The following STAC variants were observed in gnomAD, a reference collection of about 807,000 sequenced individuals.
STAC encodes the protein SH3 and cysteine-rich domain-containing protein.
In STAC, 43 loss-of-function variants were observed where a neutral mutation model predicts 48.8. The ratio of observed to expected loss-of-function variants is 0.88; its 90% CI spans 0.69 to 1.14. The LOEUF (loss-of-function observed/expected upper bound fraction) is 1.14. Ranked by LOEUF, STAC falls within the 50% of genes most tolerant of loss-of-function variation. The pLI is 0.00. For missense variants in STAC, 497 were observed against 504.0 expected (o/e 0.99, Z 0.13); for synonymous variants, 193 against 179.5 (o/e 1.07, Z -0.60).
intron 8 of STAC, among the ~76,000 whole-genome samples, chr3:36,519,399 T>C (rs184336648): frequency 1.6e-3 from 250 of 152,296 alleles, no homozygotes; most frequent in African/African-American, 5.7e-3. Flanking sequence ...CCCAATAATT[T>C]ACAGGTAGAA....
intron 2 of STAC, among the ~76,000 whole-genome samples, chr3:36,479,751 T>G (rs775562234): frequency 2.0e-5 from 3 of 152,226 alleles, no homozygotes; most frequent in Non-Finnish European, 2.9e-5. Flanking sequence ...TAAAACTATG[T>G]TTTTTCCTAC....
At chr3:36,450,497 G>A (rs1186175325) in intron 2 of STAC, among the ~76,000 whole-genome samples, 4 of 152,128 alleles carry the variant, frequency 2.6e-5, no homozygotes, top group Non-Finnish European at 5.9e-5. Context: ...TCATAATAAG[G>A]ATATCTTCAC....
At chr3:36,399,935 GT>G (rs1293575633) in intron 1 of STAC, among the ~76,000 whole-genome samples, 1 of 152,206 alleles carries the variant, frequency 6.6e-6, no homozygotes, top group Non-Finnish European at 1.5e-5. Context: ...AGGCACTCAT[GT>G]GCAAGTGCTT....
rs10528748 is a variant in STAC at position 36,442,739 on chromosome 3, T to TAC, written c.112-563_112-562dup. Among the ~76,000 whole-genome samples, 895 of 133,374 alleles carry TAC rather than the reference T, an allele frequency of 6.7e-3. 6 individuals are homozygous for TAC. The highest frequency in any genetic ancestry group is 0.036 in the East Asian group (126 of 3,486). 87.5% of individuals were successfully genotyped at this position (133,374 alleles called of 152,430 possible). ...GGATAATACAATATGTCCTATGTCC[T>TAC]ACACACACACACACACACACACACA... On this transcript the variant is annotated intron_variant, in intron 1 of 10. Coordinates refer to ENST00000273183, the MANE Select transcript of STAC (RefSeq NM_003149.3).
At chr3:36,397,171 T>A (rs1699872475) in intron 1 of STAC, among the ~76,000 whole-genome samples, 1 of 152,198 alleles carries the variant, frequency 6.6e-6, no homozygotes, top group Non-Finnish European at 1.5e-5. Flanking sequence ...ATTTTCTGAT[T>A]CTTGGTTATG....
intron 1 of STAC, among the ~76,000 whole-genome samples, chr3:36,389,046 T>C (rs1304594822): frequency 2.0e-5 from 3 of 152,220 alleles, no homozygotes; most frequent in Non-Finnish European, 4.4e-5. Context: ...CAGTGAAATC[T>C]TTACAATTAT....
intron 1 of STAC, among the ~76,000 whole-genome samples, chr3:36,412,280 A>G (rs1056576425): frequency 6.6e-6 from 1 of 152,176 alleles, no homozygotes; most frequent in Non-Finnish European, 1.5e-5. Context: ...GGAAAGAAAG[A>G]AAGGGAGGGA....
intron 1 of STAC, among the ~76,000 whole-genome samples, chr3:36,414,505 T>C (rs2125637922): frequency 6.6e-6 from 1 of 152,366 alleles, no homozygotes; most frequent in Non-Finnish European, 1.5e-5. Flanking sequence ...GTAGTTCTCG[T>C]GCCATGGTTT....
At position 36,546,775 on chromosome 3, in the gene STAC, A is replaced by C. The variant is rs530341220; in HGVS notation, c.*486A>C. ...AATCTCTGTGCAAAGCATCAGAAAG[A>C]CCTGCTTCCCAGCCCCCAGCATTCC... On this transcript the variant is annotated 3_prime_UTR_variant, in exon 11 of 11. Transcript: ENST00000273183. The C allele has an allele frequency of 6.3e-6, 1 of 158,478 alleles. No homozygotes were observed. Among genetic ancestry groups the C allele is most frequent in the Non-Finnish European group, 1.4e-5 (1 of 72,072 alleles). 9.8% of individuals were successfully genotyped at this position (158,478 alleles called of 1,614,324 possible). A position where few individuals can be genotyped will look rare whatever the true frequency, so the allele number is the denominator to read the frequency against.
At chr3:36,508,309 T>C (rs1316446332) in intron 8 of STAC, among the ~76,000 whole-genome samples, 1 of 152,206 alleles carries the variant, frequency 6.6e-6, no homozygotes, top group Non-Finnish European at 1.5e-5. Context: ...TTCCATTCTT[T>C]TGCATTTGCT....
intron 8 of STAC, among the ~76,000 whole-genome samples, chr3:36,517,937 G>C (rs544550378): frequency 1.3e-4 from 19 of 151,082 alleles, no homozygotes; most frequent in African/African-American, 3.9e-4. Context: ...ACACACACAA[G>C]CACACACACA....
chr3:36,456,028 A>G (rs576686239), intron 2 of STAC, among the ~76,000 whole-genome samples: 1 of 150,156 alleles, frequency 6.7e-6, no homozygotes, highest in East Asian at 2.0e-4. Flanking sequence ...GCCCATACAT[A>G]CACATGTACA....
At chr3:36,489,558 A>C (rs952027270) in intron 5 of STAC, among the ~76,000 whole-genome samples, 2 of 151,976 alleles carry the variant, frequency 1.3e-5, no homozygotes, top group African/African-American at 4.8e-5. Flanking sequence ...TTGCTTAGTA[A>C]TTTTCACTTT....
At position 36,443,335 on chromosome 3, in the gene STAC, A is replaced by G. The variant is rs1223353367; in HGVS notation, c.112-29A>G. 2.5e-6 allele frequency: 4 copies of G among 1,613,188 alleles called. No homozygotes were observed. The Admixed American group carries it at 6.7e-5, about 27-fold the overall frequency. On this transcript the variant is annotated intron_variant, in intron 1 of 10. Coordinates refer to ENST00000273183, the MANE Select transcript of STAC (RefSeq NM_003149.3). This position sits in a 1 kb window ranked among gnomAD's most constrained non-coding sequence, Gnocchi z 4.2. ...AGGTCTGCTTGATCCATTGATCGTA[A>G]GAGAGACTGTTCTGTCATTGCATTG...
chr3:36,519,121 G>A (rs1437657310), intron 8 of STAC, among the ~76,000 whole-genome samples: 1 of 152,174 alleles, frequency 6.6e-6, no homozygotes, highest in East Asian at 1.9e-4. Flanking sequence ...AGGGAATAAT[G>A]GGGTTAAACT....
intron 7 of STAC, among the ~76,000 whole-genome samples, chr3:36,505,238 A>T (rs1292067739): frequency 6.6e-6 from 1 of 152,146 alleles, no homozygotes; most frequent in Non-Finnish European, 1.5e-5. Flanking sequence ...ATGTAAACTA[A>T]ATCAGTCTCA....
chr3:36,495,513 C>G (rs1020824042), intron 6 of STAC, among the ~76,000 whole-genome samples: 2 of 152,204 alleles, frequency 1.3e-5, no homozygotes, highest in African/African-American at 4.8e-5. Context: ...CCTCTCACAC[C>G]TCAGACGTAA....
At chr3:36,403,407 T>C (rs1700034551) in intron 1 of STAC, among the ~76,000 whole-genome samples, 1 of 152,150 alleles carries the variant, frequency 6.6e-6, no homozygotes, top group African/African-American at 2.4e-5. Context: ...GTTTGTTTTT[T>C]TTTAATTCTC....
At chr3:36,481,057 G>T (rs1187532874) in intron 2 of STAC, among the ~76,000 whole-genome samples, 1 of 152,202 alleles carries the variant, frequency 6.6e-6, no homozygotes, top group African/African-American at 2.4e-5. Context: ...TTTCAAGAAA[G>T]CTTCATTGAA....
Sources: gnomAD v4.1 joint callset for allele counts (sites outside exome capture counted in the v4.1 genomes callset) on GRCh38, gnomAD v4.1.1 for gene constraint, Gnocchi (gnomAD v3.1) non-coding constraint, MANE v1.5 for transcripts, NCBI Gene and HGNC (gene_info 2026-07-23, HGNC 2026-07-21) for gene names.